The following SLC24A3 variants were observed in gnomAD, a reference collection of about 807,000 sequenced individuals.
The protein encoded by SLC24A3 is sodium/potassium/calcium exchanger 3.
A neutral mutation model predicts 75.8 loss-of-function variants in SLC24A3; 28 were observed. That is an observed-to-expected ratio of 0.37 (90% CI 0.27 to 0.51). The LOEUF (loss-of-function observed/expected upper bound fraction) is 0.51, where lower values mean the gene tolerates loss of function less well. SLC24A3 is among the 20% of genes least tolerant of loss of function. The pLI, the probability that SLC24A3 is intolerant of heterozygous loss-of-function variation, is 0.94. For missense variants in SLC24A3, 663 were observed against 847.8 expected (o/e 0.78, Z 2.71); for synonymous variants, 372 against 334.1 (o/e 1.11, Z -1.24).
chr20:19,254,651 T>C (rs1194153657), intron 1 of SLC24A3, among the ~76,000 whole-genome samples: 2 of 152,192 alleles, frequency 1.3e-5, no homozygotes, highest in African/African-American at 4.8e-5. Flanking sequence ...GCCTCTAGTG[T>C]GGGAAATCTG....
In SLC24A3 at chr20:19,706,473, G is replaced by A. The variant is rs117310707; in HGVS notation, c.1719+7793G>A. Reference sequence around the variant, plus strand: ...TATTCTGAGAATCCAAGATTATCAGGACAAGCAGGTGGAGAGAGGTGAGAA... The same window carrying A: ...TATTCTGAGAATCCAAGATTATCAGAACAAGCAGGTGGAGAGAGGTGAGAA... On this transcript the variant is annotated intron_variant, in intron 15 of 16. Transcript: ENST00000328041. Among the ~76,000 whole-genome samples, 74 of 152,232 alleles carry A rather than the reference G, an allele frequency of 4.9e-4. No individual in the cohort carries two copies. The East Asian group carries it at 0.013, about 27-fold the overall frequency.
chr20:19,672,187 G>A (rs921522800), intron 8 of SLC24A3, among the ~76,000 whole-genome samples: 5 of 152,170 alleles, frequency 3.3e-5, no homozygotes, highest in African/African-American at 4.8e-5. Context: ...GCACTGAAAC[G>A]CAGTGTGCAC....
chr20:19,405,285 G>C (rs1419940456), intron 2 of SLC24A3, among the ~76,000 whole-genome samples: 1 of 152,148 alleles, frequency 6.6e-6, no homozygotes, highest in East Asian at 1.9e-4. Context: ...CAGGACTTGG[G>C]ATTCTCATGT....
chr20:19,319,687 A>G (rs1984664271), intron 2 of SLC24A3, among the ~76,000 whole-genome samples: 1 of 152,202 alleles, frequency 6.6e-6, no homozygotes, highest in African/African-American at 2.4e-5. Context: ...CTTGGAGTTA[A>G]TGGGCCATGG....
At chr20:19,665,792 CGTGTGTG>C in intron 7 of SLC24A3, 65 bp from the exon 8 acceptor site, 1 of 1,202,232 alleles carries the variant, frequency 8.3e-7, no homozygotes, top group Non-Finnish European at 1.1e-6. Context: ...AGCCTTAAAG[CGTGTGTG>C]TGTGTGTGTG....
At chr20:19,631,192 A>G (rs527568722) in intron 6 of SLC24A3, among the ~76,000 whole-genome samples, 1 of 152,218 alleles carries the variant, frequency 6.6e-6, no homozygotes, top group East Asian at 1.9e-4. Flanking sequence ...AAAGAAAAAG[A>G]AAAAAAGAAA....
intron 2 of SLC24A3, among the ~76,000 whole-genome samples, chr20:19,287,098 G>T (rs1983834786): frequency 1.3e-5 from 2 of 152,356 alleles, no homozygotes; most frequent in Non-Finnish European, 2.9e-5. Context: ...CTGTAACAGA[G>T]AAGTCCTCCA....
rs981060284 is a variant in SLC24A3, at chr20:19,254,993, A to T, written c.143-25966A>T. Among the ~76,000 whole-genome samples, 11 of 152,366 alleles carry T rather than the reference A, an allele frequency of 7.2e-5. No individual in the cohort carries two copies. The South Asian group carries it at 1.2e-3, about 17-fold the overall frequency. On this transcript the variant is annotated intron_variant, in intron 1 of 16. Transcript: ENST00000328041. ...CATTGTTAGGACTAAAGCTGCTTCC[A>T]GTACTGTATACAAAAGGAAGCATGC...
intron 1 of SLC24A3, among the ~76,000 whole-genome samples, chr20:19,226,410 A>G (rs1227740873): frequency 6.6e-6 from 1 of 152,156 alleles, no homozygotes; most frequent in Non-Finnish European, 1.5e-5. Context: ...TGGTTTTGCT[A>G]CCAGGGTAAT....
intron 2 of SLC24A3, among the ~76,000 whole-genome samples, chr20:19,288,890 G>A (rs1983875056): frequency 6.6e-6 from 1 of 152,160 alleles, no homozygotes; most frequent in South Asian, 2.1e-4. Context: ...TGTTTCTATG[G>A]CAACTTTTGC....
chr20:19,346,160 G>GTGTA (rs370488721), intron 2 of SLC24A3, among the ~76,000 whole-genome samples: 8,292 of 42,958 alleles, frequency 0.19, 2,141 homozygotes, highest in African/African-American at 0.29. Context: ...TATATATGGT[G>GTGTA]TATATATATG....
chr20:19,283,521 A>T (rs1232793477), intron 2 of SLC24A3, among the ~76,000 whole-genome samples: 1 of 152,216 alleles, frequency 6.6e-6, no homozygotes, highest in Non-Finnish European at 1.5e-5. Flanking sequence ...TCACAGAAAG[A>T]GCTATTGGAC....
chr20:19,637,582 C>T (rs553597253), intron 6 of SLC24A3, among the ~76,000 whole-genome samples: 6 of 152,264 alleles, frequency 3.9e-5, no homozygotes, highest in South Asian at 2.1e-4. Context: ...GCAATATTCG[C>T]GTACTGGTAG....
intron 2 of SLC24A3, among the ~76,000 whole-genome samples, chr20:19,454,758 A>T (rs527807628): frequency 1.4e-4 from 22 of 152,336 alleles, no homozygotes; most frequent in African/African-American, 5.3e-4. Flanking sequence ...GATGAATGAG[A>T]TGAAATGTAA....
chr20:19,396,114 G>A (rs1986449306), intron 2 of SLC24A3, among the ~76,000 whole-genome samples: 1 of 151,650 alleles, frequency 6.6e-6, no homozygotes, highest in African/African-American at 2.4e-5. Context: ...GCAAAAGGAA[G>A]TTACCAATAT....
At chr20:19,465,222 G>C (rs1366499837) in intron 2 of SLC24A3, among the ~76,000 whole-genome samples, 1 of 152,118 alleles carries the variant, frequency 6.6e-6, no homozygotes, top group African/African-American at 2.4e-5. Flanking sequence ...TTACATTGGA[G>C]ATGCCATCAG....
At chr20:19,597,506 T>C (rs773148248) in intron 6 of SLC24A3, among the ~76,000 whole-genome samples, 7 of 152,234 alleles carry the variant, frequency 4.6e-5, no homozygotes, top group Non-Finnish European at 1.0e-4. Context: ...ATAGAATATA[T>C]AATAATCAAA....
chr20:19,256,697 A>G (rs1453510523), intron 1 of SLC24A3, among the ~76,000 whole-genome samples: 1 of 151,234 alleles, frequency 6.6e-6, no homozygotes, highest in Non-Finnish European at 1.5e-5. Flanking sequence ...TGAACCCAGG[A>G]AGTAGAGGTT....
chr20:19,678,377 G>A (rs1242581107), intron 9 of SLC24A3, among the ~76,000 whole-genome samples: 8 of 128,978 alleles, frequency 6.2e-5, no homozygotes, highest in East Asian at 2.2e-4. Context: ...GCGGCTGGCC[G>A]GGCAGAGGGG....
Sources: gnomAD v4.1 joint callset for allele counts (sites outside exome capture counted in the v4.1 genomes callset) on GRCh38, gnomAD v4.1.1 for gene constraint, MANE v1.5 for transcripts, NCBI Gene and HGNC (gene_info 2026-07-23, HGNC 2026-07-21) for gene names.